The following DCLK2 variants were observed in gnomAD, a reference collection of about 807,000 sequenced individuals.
DCLK2 encodes doublecortin like kinase 2.
DCLK2 carries 31 observed loss-of-function variants against 78.4 expected under a neutral mutation model. The observed-to-expected ratio is 0.40, with a 90% CI of 0.30 to 0.53. The LOEUF (loss-of-function observed/expected upper bound fraction) is 0.53. Ranked by LOEUF, DCLK2 falls within the 20% of genes least tolerant of loss-of-function variation. The pLI is 0.61. For synonymous variants in DCLK2, 407 were observed against 374.9 expected (o/e 1.09, Z -0.99); for missense variants, 872 against 973.7 (o/e 0.90, Z 1.39).
intron 2 of DCLK2, among the ~76,000 whole-genome samples, chr4:150,140,085 T>C (rs1734007234): frequency 6.6e-6 from 1 of 152,164 alleles, no homozygotes; most frequent in Admixed American, 6.5e-5. Flanking sequence ...TATAATAGAA[T>C]GAAGGACACT....
chr4:150,233,698 C>A (rs1002825929), intron 10 of DCLK2, among the ~76,000 whole-genome samples: 1 of 152,120 alleles, frequency 6.6e-6, no homozygotes, highest in East Asian at 1.9e-4. Flanking sequence ...TCTTATTCCA[C>A]TATGGTACCC....
chr4:150,215,924 G>T (rs1233932497), intron 5 of DCLK2, among the ~76,000 whole-genome samples: 1 of 152,210 alleles, frequency 6.6e-6, no homozygotes, highest in Non-Finnish European at 1.5e-5. Context: ...CAGAGAGATT[G>T]TTTTCTGAGG....
intron 1 of DCLK2, among the ~76,000 whole-genome samples, chr4:150,086,419 A>G (rs899478825): frequency 6.6e-6 from 1 of 152,180 alleles, no homozygotes; most frequent in Non-Finnish European, 1.5e-5. Flanking sequence ...TTATGTCCCA[A>G]GAAGTTATCA....
At chr4:150,088,856 T>C (rs1297097331) in intron 1 of DCLK2, among the ~76,000 whole-genome samples, 1 of 152,212 alleles carries the variant, frequency 6.6e-6, no homozygotes, top group Non-Finnish European at 1.5e-5. Flanking sequence ...TTTCTGTGCA[T>C]GCCCAGTTCC....
intron 2 of DCLK2, among the ~76,000 whole-genome samples, chr4:150,127,397 C>T (rs983838986): frequency 6.6e-6 from 1 of 152,110 alleles, no homozygotes; most frequent in African/African-American, 2.4e-5. Context: ...TCCCTTCTCC[C>T]CTATTTACTT....
chr4:150,173,788 A>G (rs1251350847), intron 2 of DCLK2, among the ~76,000 whole-genome samples: 4 of 152,138 alleles, frequency 2.6e-5, no homozygotes. Context: ...CTGCTCCTGG[A>G]TGAGGTTGGG....
chr4:150,109,354 G>A (rs755174790), intron 2 of DCLK2, among the ~76,000 whole-genome samples: 94 of 141,354 alleles, frequency 6.6e-4, no homozygotes, highest in Non-Finnish European at 1.3e-3. Flanking sequence ...TTTTTTCTCT[G>A]AGACGGAGTC....
chr4:150,175,134 A>T (rs1736942215), intron 2 of DCLK2, among the ~76,000 whole-genome samples: 2 of 116,110 alleles, frequency 1.7e-5, no homozygotes, highest in East Asian at 2.3e-4. Context: ...TATATATATA[A>T]TTTATGTATA....
intron 1 of DCLK2, among the ~76,000 whole-genome samples, chr4:150,091,317 C>T (rs75668662): frequency 6.6e-6 from 1 of 152,074 alleles, no homozygotes; most frequent in South Asian, 2.1e-4. Flanking sequence ...TTCTTAATTT[C>T]CGAAGTTAGG....
intron 8 of DCLK2, among the ~76,000 whole-genome samples, chr4:150,227,510 G>A (rs1741707772): frequency 6.6e-6 from 1 of 152,180 alleles, no homozygotes; most frequent in South Asian, 2.1e-4. Context: ...GTTTCAGTAG[G>A]CAGCAATCAA....
intron 10 of DCLK2, among the ~76,000 whole-genome samples, chr4:150,238,454 T>C (rs1019052812): frequency 3.3e-5 from 5 of 152,166 alleles, no homozygotes; most frequent in East Asian, 1.9e-4. Context: ...AGTAGACTTA[T>C]TGGGTCAAAG....
chr4:150,123,778 A>G (rs1024895496), intron 2 of DCLK2, among the ~76,000 whole-genome samples: 2 of 152,170 alleles, frequency 1.3e-5, no homozygotes, highest in African/African-American at 4.8e-5. Flanking sequence ...GTGGTGGCTC[A>G]TGCCTGTAAT....
intron 1 of DCLK2, among the ~76,000 whole-genome samples, chr4:150,086,311 AG>A (rs1729633383): frequency 6.6e-6 from 1 of 152,202 alleles, no homozygotes; most frequent in Admixed American, 6.5e-5. Context: ...CCAGATTTAC[AG>A]AGGTAACATA....
chr4:150,232,418 A>G lies in DCLK2; in HGVS notation c.1381A>G (p.Thr461Ala). ...CATTATGCTGGTCGAGGAGATGGAA[A>G]CAGCAACTGAGCTCTTTCTGGTGAT... ...NIIMLVEEME[T>A]ATELFLVMEL... The change falls in exon 9 of 16, where the codon ACA (threonine) becomes GCA (alanine). Residue 461 changes from threonine to alanine, a missense_variant. Thr to Ala is a moderately conservative substitution (Grantham distance 58). Transcript: ENST00000296550. The G allele has an allele frequency of 6.2e-7, 1 of 1,614,160 alleles. No homozygotes were observed. Among genetic ancestry groups the G allele is most frequent in the Non-Finnish European group, 8.5e-7 (1 of 1,180,012 alleles).
At chr4:150,158,901 C>A (rs1428015859) in intron 2 of DCLK2, among the ~76,000 whole-genome samples, 1 of 151,932 alleles carries the variant, frequency 6.6e-6, no homozygotes, top group Non-Finnish European at 1.5e-5. Context: ...AGAAAAACAA[C>A]CCAAGGTTCC....
At chr4:150,156,101 C>A (rs1735250842) in intron 2 of DCLK2, among the ~76,000 whole-genome samples, 1 of 152,086 alleles carries the variant, frequency 6.6e-6, no homozygotes, top group Admixed American at 6.6e-5. Flanking sequence ...GAACTGAGAC[C>A]CACCCGTTGG....
At chr4:150,088,976 T>C (rs1179848128) in intron 1 of DCLK2, among the ~76,000 whole-genome samples, 1 of 152,240 alleles carries the variant, frequency 6.6e-6, no homozygotes, top group Non-Finnish European at 1.5e-5. Context: ...CTATGTACAT[T>C]ACTCACTGTT....
At chr4:150,102,339 G>A in intron 1 of DCLK2, 139 bp from the exon 2 acceptor site, 1 of 737,368 alleles carries the variant, frequency 1.4e-6, no homozygotes, top group Non-Finnish European at 2.2e-6. Context: ...GAATGCCAAA[G>A]GAAAAGGGTG....
intron 1 of DCLK2, among the ~76,000 whole-genome samples, chr4:150,089,987 C>A (rs934214827): frequency 3.9e-5 from 6 of 152,200 alleles, no homozygotes; most frequent in African/African-American, 1.4e-4. Context: ...GTCCACTTCC[C>A]TTTTTCCTTG....
Sources: gnomAD v4.1 joint callset for allele counts (sites outside exome capture counted in the v4.1 genomes callset) on GRCh38, gnomAD v4.1.1 for gene constraint, MANE v1.5 for transcripts, NCBI Gene and HGNC (gene_info 2026-07-23, HGNC 2026-07-21) for gene names.